The following POU2F2 variants were observed in gnomAD, a reference collection of about 807,000 sequenced individuals.
The protein encoded by POU2F2 is POU class 2 homeobox 2.
In POU2F2, 14 loss-of-function variants were observed where a neutral mutation model predicts 63.5. The ratio of observed to expected loss-of-function variants is 0.22; its 90% confidence interval spans 0.15 to 0.34. POU2F2 has a LOEUF of 0.34. POU2F2 is among the 10% of genes least tolerant of loss of function. The probability of loss-of-function intolerance (pLI) is 1.00; values close to 1 mark genes in which losing one functional copy is unlikely to be tolerated. For synonymous variants in POU2F2, 306 were observed against 348.6 expected (o/e 0.88, Z 1.36); for missense variants, 607 against 815.2 (o/e 0.74, Z 3.11).
At chr19:42,159,143 G>A (rs192815739) in intron 2 of POU2F2, among the ~76,000 whole-genome samples, 14 of 152,258 alleles carry the variant, frequency 9.2e-5, no homozygotes, top group African/African-American at 3.4e-4. Flanking sequence ...GGACCACGAG[G>A]AGATTTTGCA....
chr19:42,093,993 C>A, intron 11 of POU2F2, 98 bp from the exon 12 acceptor site: 2 of 1,026,956 alleles, frequency 1.9e-6, no homozygotes, highest in Non-Finnish European at 2.9e-6. Context: ...AGGATGGGGG[C>A]AGGGGGCTTT....
chr19:42,136,963 G>A (rs2034027440), upstream of POU2F2: 1 of 152,204 alleles, frequency 6.6e-6, no homozygotes, highest in Non-Finnish European at 1.5e-5. Flanking sequence ...TGTGCTGGGA[G>A]CTGAGGACCC....
intron 5 of POU2F2, among the ~76,000 whole-genome samples, chr19:42,113,641 T>C (rs1489630239): frequency 1.3e-5 from 2 of 152,246 alleles, no homozygotes; most frequent in African/African-American, 4.8e-5. Context: ...GGCTCACTGA[T>C]GTGCTTGCTC....
At chr19:42,103,258 G>A (rs1002015910) in intron 5 of POU2F2, among the ~76,000 whole-genome samples, 6 of 151,934 alleles carry the variant, frequency 3.9e-5, no homozygotes, top group African/African-American at 1.2e-4. Flanking sequence ...TCCAGGCATC[G>A]CTCCTCCTGT....
chr19:42,144,621 C>T (rs552174871), intron 2 of POU2F2, among the ~76,000 whole-genome samples: 2 of 152,376 alleles, frequency 1.3e-5, no homozygotes, highest in African/African-American at 4.8e-5. Flanking sequence ...CTAGACCATC[C>T]CACTATTCTA....
chr19:42,151,171 G>A (rs1420812299), intron 2 of POU2F2, among the ~76,000 whole-genome samples: 2 of 152,184 alleles, frequency 1.3e-5, no homozygotes, highest in African/African-American at 4.8e-5. Context: ...GGAGAGGTCG[G>A]GGGTCAGGCC....
chr19:42,183,083 C>T (rs750005593), intron 1 of POU2F2, among the ~76,000 whole-genome samples: 1 of 152,176 alleles, frequency 6.6e-6, no homozygotes. Context: ...TATGCACACC[C>T]GGGTTCAGAA....
chr19:42,091,973 G>T (rs983607267), intron 13 of POU2F2, 33 bp from the exon 14 acceptor site: 1 of 1,536,126 alleles, frequency 6.5e-7, no homozygotes. Flanking sequence ...ATTAGCAGGG[G>T]CAGGGACCTG....
At chr19:42,115,686 C>G (rs2031757991) in intron 5 of POU2F2, among the ~76,000 whole-genome samples, 1 of 152,222 alleles carries the variant, frequency 6.6e-6, no homozygotes, top group African/African-American at 2.4e-5. Flanking sequence ...AGCTCCCACT[C>G]TGCTCCCCCG....
upstream of POU2F2, among the ~76,000 whole-genome samples, chr19:42,179,936 A>G (rs943949133): frequency 6.6e-6 from 1 of 152,086 alleles, no homozygotes; most frequent in African/African-American, 2.4e-5. Context: ...CAAAGTAGGT[A>G]TTTGGGTCTT....
rs1431651692 is a variant in POU2F2 at position 42,099,810 on chromosome 19, C to T, written c.381G>A (p.Gln127=). 4 of 1,568,076 alleles carry T rather than the reference C, an allele frequency of 2.6e-6. No individual in the cohort carries two copies. The East Asian group carries it at 9.4e-5, about 37-fold the overall frequency. The change falls in exon 6 of 15, where the codon CAG becomes CAA. Residue 127 remains glutamine, a synonymous_variant. Coordinates refer to ENST00000692977, the MANE Select transcript of POU2F2 (RefSeq NM_001394376.1). ...GCACCAGCTGCTGGAGCTGGAGGAGCTGCTGTATGTCCTGGCAGGGAGTGG... is the reference window on the plus strand; with the variant it reads ...GCACCAGCTGCTGGAGCTGGAGGAGTTGCTGTATGTCCTGGCAGGGAGTGG... ...TGSQLAGDIQ[Q]LLQLQQLVLV...
At chr19:42,135,261 T>C (rs1483500147), upstream of POU2F2, among the ~76,000 whole-genome samples, 5 of 152,008 alleles carry the variant, frequency 3.3e-5, no homozygotes, top group African/African-American at 4.8e-5. Context: ...CAGGCCATAC[T>C]CTGAGTCCAT....
intron 12 of POU2F2, among the ~76,000 whole-genome samples, chr19:42,093,103 C>T (rs1023636798): frequency 1.1e-4 from 17 of 148,760 alleles, no homozygotes; most frequent in Admixed American, 4.7e-4. Context: ...CTCCTCCTCC[C>T]GGATTCAAGT....
chr19:42,135,245 A>G (rs542812478), upstream of POU2F2, among the ~76,000 whole-genome samples: 9 of 152,188 alleles, frequency 5.9e-5, no homozygotes, highest in African/African-American at 1.9e-4. Context: ...CAGGGAGACC[A>G]AGCCTCAGGC....
Position 42,117,369 on chromosome 19 carries a change from G to A in POU2F2, c.250C>T (p.Gln84Ter). Residue 84 changes from glutamine (Q) to a stop codon, truncating the protein, a stop_gained, in exon 5 of 15, where the codon CAG becomes TAG. Coordinates refer to ENST00000692977, the MANE Select transcript of POU2F2 (RefSeq NM_001394376.1). LOFTEE classifies it high-confidence loss of function. The surrounding 1 kb of genome is among the most constrained non-coding windows in gnomAD (Gnocchi z 4.4). The stretch of plus-strand genomic sequence containing the variant: ...CCACTGGGGTCTTCAGCCTTGATCT[G>A]GGGGGGAGAGAGGCAGGGTCCGGGA... ...WGPGPCLSPPQIKAEDPSGDS... is the reference protein window; with the variant it reads ...WGPGPCLSPP The A allele has an allele frequency of 6.6e-7, 1 of 1,517,050 alleles. No individual in the cohort carries two copies. The highest frequency in any genetic ancestry group is 1.3e-5 in the South Asian group (1 of 77,304). The allele number at this position is 1,517,050 out of a possible 1,614,324, so 94.0% of individuals were successfully genotyped here.
At chr19:42,159,046 T>G (rs572799225) in intron 2 of POU2F2, among the ~76,000 whole-genome samples, 2 of 152,096 alleles carry the variant, frequency 1.3e-5, no homozygotes, top group African/African-American at 2.4e-5. Context: ...ACTGGGCAAA[T>G]GTAGGTATGT....
chr19:42,109,810 A>G (rs1194963131), intron 5 of POU2F2, among the ~76,000 whole-genome samples: 1 of 152,162 alleles, frequency 6.6e-6, no homozygotes. Flanking sequence ...CAAGAAGAGT[A>G]CTTTAAATGT....
At chr19:42,119,031 G>A (rs1365781428) in intron 4 of POU2F2, among the ~76,000 whole-genome samples, 3 of 152,084 alleles carry the variant, frequency 2.0e-5, no homozygotes, top group East Asian at 3.8e-4. Context: ...GTTCATGCCT[G>A]TAATCGCAGC....
intron 2 of POU2F2, among the ~76,000 whole-genome samples, chr19:42,148,444 GGATCTCTCTAACACAGA>G (rs1030675817): frequency 2.0e-5 from 3 of 152,044 alleles, no homozygotes; most frequent in Non-Finnish European, 2.9e-5. Flanking sequence ...CACATCAGAG[GGATCTCTCTAACACAGA>G]GATCCTCACT....
Sources: allele counts gnomAD v4.1 joint callset (sites outside exome capture counted in the v4.1 genomes callset), GRCh38; gene constraint gnomAD v4.1.1; non-coding constraint Gnocchi (gnomAD v3.1); transcripts MANE v1.5; gene names NCBI Gene and HGNC (gene_info 2026-07-23, HGNC 2026-07-21).